The following AVEN variants were observed in gnomAD, a reference collection of about 807,000 sequenced individuals.
AVEN encodes the protein cell death regulator Aven.
A neutral mutation model predicts 38.1 loss-of-function variants in AVEN; 41 were observed. That is an observed-to-expected ratio of 1.08 (90% CI 0.84 to 1.40). The LOEUF (loss-of-function observed/expected upper bound fraction) is 1.40, where lower values mean the gene tolerates loss of function less well. AVEN is among the 40% of genes most tolerant of loss of function. AVEN has a pLI of 0.00. For missense variants in AVEN, 605 were observed against 438.8 expected (o/e 1.38, Z -3.38); for synonymous variants, 206 against 171.8 (o/e 1.20, Z -1.56).
intron 2 of AVEN, among the ~76,000 whole-genome samples, chr15:33,909,646 C>A (rs1892843399): frequency 6.6e-6 from 1 of 152,190 alleles, no homozygotes; most frequent in Non-Finnish European, 1.5e-5. Context: ...GTGTCAGCTC[C>A]ATTCCTACCC....
At position 34,063,886 on chromosome 15, in the gene AVEN, A is replaced by C; in HGVS notation, n.1127-454T>G. Reference sequence around the variant, plus strand: ...CGATTGGTGGTAAAAGCTGACGGGAACCAGGAGACCAACAATGGCTGTCAC... The same window carrying C: ...CGATTGGTGGTAAAAGCTGACGGGACCCAGGAGACCAACAATGGCTGTCAC... On this transcript the variant is annotated intron_variant and non_coding_transcript_variant, in intron 4 of 11. Coordinates refer to the AVEN transcript ENST00000675287. The surrounding 1 kb of genome is among the most constrained non-coding windows in gnomAD (Gnocchi z 4.1). 1 of 1,614,222 alleles carries C rather than the reference A, an allele frequency of 6.2e-7. No individual in the cohort carries two copies. The highest frequency in any genetic ancestry group is 1.1e-5 in the South Asian group (1 of 91,080).
At chr15:33,937,932 C>A (rs1314912748) in intron 2 of AVEN, among the ~76,000 whole-genome samples, 30 of 100,862 alleles carry the variant, frequency 3.0e-4, no homozygotes, top group African/African-American at 9.1e-4. Context: ...CCTACTTGAC[C>A]AAAAAAAAAA....
At chr15:34,011,456 C>T (rs1251780143) in intron 1 of AVEN, among the ~76,000 whole-genome samples, 1 of 152,036 alleles carries the variant, frequency 6.6e-6, no homozygotes, top group Non-Finnish European at 1.5e-5. Context: ...CTCTTGATCC[C>T]AGAACAATGT....
Position 33,933,491 on chromosome 15 carries a change from T to TCACACACA in AVEN, c.446-57504_446-57497dup, listed in dbSNP as rs71974331. Among the ~76,000 whole-genome samples the TCACACACA allele has an allele frequency of 3.5e-3, 241 of 68,220 alleles. 3 individuals are homozygous for TCACACACA. The highest frequency in any genetic ancestry group is 3.9e-3 in the Non-Finnish European group (153 of 39,296). 44.8% of individuals were successfully genotyped at this position (68,220 alleles called of 152,430 possible). On this transcript the variant is annotated intron_variant, in intron 2 of 5. Coordinates refer to ENST00000306730, the MANE Select transcript of AVEN (RefSeq NM_020371.3). ...GTAAGCCAGGCCTGGCCTCCAACAA[T>TCACACACA]CACACACACACACACACACACACAC...
chr15:34,022,646 T>C (rs1372990006), intron 1 of AVEN, among the ~76,000 whole-genome samples: 3 of 152,192 alleles, frequency 2.0e-5, no homozygotes, highest in Non-Finnish European at 4.4e-5. Flanking sequence ...ATACTAACAT[T>C]ATGGTTGCCT....
rs574648296 is a variant in AVEN at position 33,945,106 on chromosome 15, A to G, written c.445+57926T>C. Among the ~76,000 whole-genome samples the G allele has an allele frequency of 5.3e-5, 8 of 152,322 alleles. No homozygotes were observed. In the East Asian group the frequency reaches 1.4e-3, roughly 26 times the overall value. ...GTAATCACACAGAGCTGTTCCCTGA[A>G]TGGCAATAACCCAAGCTACTTTCTA... On this transcript the variant is annotated intron_variant, in intron 2 of 5. Transcript: ENST00000306730.
intron 2 of AVEN, among the ~76,000 whole-genome samples, chr15:33,878,602 TA>T (rs1480904449): frequency 1.3e-5 from 2 of 152,142 alleles, no homozygotes; most frequent in Non-Finnish European, 2.9e-5. Flanking sequence ...TTTTAATACA[TA>T]AAAAGAAAAT....
intron 2 of AVEN, among the ~76,000 whole-genome samples, chr15:33,904,703 A>ACT (rs2153043960): frequency 8.2e-6 from 1 of 121,772 alleles, no homozygotes; most frequent in South Asian, 2.7e-4. Context: ...AAATATATAT[A>ACT]TATATATATA....
intron 2 of AVEN, among the ~76,000 whole-genome samples, chr15:33,888,400 G>A (rs1257032864): frequency 6.6e-6 from 1 of 152,120 alleles, no homozygotes; most frequent in African/African-American, 2.4e-5. Context: ...TGATCCGACG[G>A]AAAACAAAGA....
chr15:33,904,656 AC>A (rs1892612796), intron 2 of AVEN, among the ~76,000 whole-genome samples: 1 of 148,130 alleles, frequency 6.8e-6, no homozygotes, highest in Non-Finnish European at 1.5e-5. Context: ...CAGGTAATCC[AC>A]CTGCCTTGGC....
At chr15:34,044,892 C>CA (rs1226515892) in intron 5 of AVEN, among the ~76,000 whole-genome samples, 1 of 151,996 alleles carries the variant, frequency 6.6e-6, no homozygotes, top group Non-Finnish European at 1.5e-5. Context: ...CTTAAAAATA[C>CA]AAAAAATTAG....
chr15:33,892,652 G>A (rs529938221), intron 2 of AVEN, among the ~76,000 whole-genome samples: 5 of 152,218 alleles, frequency 3.3e-5, no homozygotes, highest in African/African-American at 9.6e-5. Context: ...GTCAGGTAGC[G>A]TGATGCCTCC....
intron 2 of AVEN, among the ~76,000 whole-genome samples, chr15:33,939,338 A>G (rs907654609): frequency 1.3e-5 from 2 of 152,224 alleles, no homozygotes; most frequent in Non-Finnish European, 2.9e-5. Context: ...ATCAAATGGA[A>G]CCATTTTAGG....
chr15:33,877,717 G>A (rs555960548), intron 2 of AVEN, among the ~76,000 whole-genome samples: 5 of 152,296 alleles, frequency 3.3e-5, no homozygotes, highest in South Asian at 2.1e-4. Flanking sequence ...GTCGGAGGCC[G>A]AGGCAGGCGG....
intron 2 of AVEN, among the ~76,000 whole-genome samples, chr15:33,912,884 C>A (rs1231342243): frequency 8.5e-6 from 1 of 117,804 alleles, no homozygotes; most frequent in African/African-American, 3.2e-5. Flanking sequence ...ATGTAAAAGG[C>A]ATAATTTTTT....
intron 2 of AVEN, among the ~76,000 whole-genome samples, chr15:33,924,829 GACAT>G (rs919148301): frequency 6.6e-6 from 1 of 152,068 alleles, no homozygotes; most frequent in African/African-American, 2.4e-5. Flanking sequence ...TTTGAAGAAA[GACAT>G]AGGTAATAAA....
At chr15:33,974,648 G>C (rs1179324155) in intron 2 of AVEN, among the ~76,000 whole-genome samples, 1 of 152,198 alleles carries the variant, frequency 6.6e-6, no homozygotes, top group Non-Finnish European at 1.5e-5. Context: ...ACAGAAATCT[G>C]TGATTTGATG....
At chr15:33,937,385 T>C (rs1218027030) in intron 2 of AVEN, among the ~76,000 whole-genome samples, 1 of 150,980 alleles carries the variant, frequency 6.6e-6, no homozygotes, top group Non-Finnish European at 1.5e-5. Flanking sequence ...TACAAAAAAT[T>C]AGCCGGGCGT....
intron 3 of AVEN, among the ~76,000 whole-genome samples, chr15:33,875,253 G>A (rs1891170247): frequency 6.6e-6 from 1 of 152,128 alleles, no homozygotes; most frequent in Non-Finnish European, 1.5e-5. Flanking sequence ...CAGACAGTAT[G>A]CTCTAGGCCT....
Sources: gnomAD v4.1 joint callset for allele counts (sites outside exome capture counted in the v4.1 genomes callset) on GRCh38, gnomAD v4.1.1 for gene constraint, Gnocchi (gnomAD v3.1) non-coding constraint, MANE v1.5 for transcripts, NCBI Gene and HGNC (gene_info 2026-07-23, HGNC 2026-07-21) for gene names.